The following CENPW variants were observed in gnomAD, a reference collection of about 807,000 sequenced individuals.
CENPW encodes the protein cancer-up-regulated gene 2 protein.
A neutral mutation model predicts 11.1 loss-of-function variants in CENPW; 3 were observed. The observed-to-expected ratio is 0.27, with a 90% CI of 0.12 to 0.70. The LOEUF (loss-of-function observed/expected upper bound fraction) is 0.70, where lower values mean the gene tolerates loss of function less well. Ranked by LOEUF, CENPW falls within the 30% of genes least tolerant of loss-of-function variation. The pLI, the probability that CENPW is intolerant of heterozygous loss-of-function variation, is 0.77. For missense variants in CENPW, 100 were observed against 105.6 expected (o/e 0.95, Z 0.23); for synonymous variants, 38 against 42.0 (o/e 0.91, Z 0.37).
the CENPW span, among the ~76,000 whole-genome samples, chr6:126,377,006 A>C: frequency 6.6e-6 from 1 of 152,168 alleles, no homozygotes; most frequent in Non-Finnish European, 1.5e-5. Flanking sequence ...CACATCAATT[A>C]AATCATTTCT....
chr6:126,464,739 T>C, the CENPW span, among the ~76,000 whole-genome samples: 14 of 152,158 alleles, frequency 9.2e-5, no homozygotes, highest in African/African-American at 2.9e-4. Flanking sequence ...ATCACTGGCT[T>C]CCTTGCTCCT....
At chr6:126,414,793 T>A in the CENPW span, among the ~76,000 whole-genome samples, 15 of 149,108 alleles carry the variant, frequency 1.0e-4, no homozygotes, top group African/African-American at 3.7e-4. Context: ...ATAAATAAAA[T>A]AAAACTAAAA....
chr6:126,412,434 A>G, the CENPW span, among the ~76,000 whole-genome samples: 4 of 151,958 alleles, frequency 2.6e-5, no homozygotes, highest in Non-Finnish European at 5.9e-5. Flanking sequence ...TCTTACTGGT[A>G]TTTGTTTGTA....
At chr6:126,355,543 G>A in the CENPW span, among the ~76,000 whole-genome samples, 2 of 122,892 alleles carry the variant, frequency 1.6e-5, no homozygotes, top group African/African-American at 5.1e-5. Context: ...ACAGTAATTT[G>A]TTTCACTTGT....
the CENPW span, among the ~76,000 whole-genome samples, chr6:126,355,484 G>A: frequency 6.6e-6 from 1 of 152,040 alleles, no homozygotes. Flanking sequence ...TGGTATAAAG[G>A]CACATTTTAT....
rs759992998 is a variant in CENPW at position 126,340,451 on chromosome 6, G to C, written c.126+52G>C. The C allele has an allele frequency of 3.6e-4, 586 of 1,613,672 alleles. 1 individual carries two copies. Among genetic ancestry groups the C allele is most frequent in the Non-Finnish European group, 2.9e-4 (341 of 1,179,884 alleles). ...GGAATGGGGCACGGGAGAGGTAAGG[G>C]CAATAACCTTAAGCCTTTGTTTTTC... On this transcript the variant is annotated intron_variant, in intron 1 of 2. Coordinates refer to ENST00000368328, the MANE Select transcript of CENPW (RefSeq NM_001012507.4).
chr6:126,482,407 C>T, the CENPW span, among the ~76,000 whole-genome samples: 1 of 151,752 alleles, frequency 6.6e-6, no homozygotes, highest in East Asian at 1.9e-4. Context: ...ATGGTAAGTG[C>T]TATTTATATA....
the CENPW span, among the ~76,000 whole-genome samples, chr6:126,461,196 G>A: frequency 6.6e-6 from 1 of 151,674 alleles, no homozygotes; most frequent in Non-Finnish European, 1.5e-5. Context: ...GGTCTTTCCC[G>A]TGCTGTTCTC....
chr6:126,478,048 G>C, the CENPW span, among the ~76,000 whole-genome samples: 1 of 151,930 alleles, frequency 6.6e-6, no homozygotes, highest in African/African-American at 2.4e-5. Flanking sequence ...ACTTCCTCTG[G>C]CTTCACCAGA....
At chr6:126,405,479 T>C in the CENPW span, among the ~76,000 whole-genome samples, 1 of 152,102 alleles carries the variant, frequency 6.6e-6, no homozygotes, top group Non-Finnish European at 1.5e-5. Context: ...TTGCTTTGGC[T>C]ATTTGAGGCC....
chr6:126,397,440 G>A, the CENPW span, among the ~76,000 whole-genome samples: 1 of 152,150 alleles, frequency 6.6e-6, no homozygotes, highest in Non-Finnish European at 1.5e-5. Flanking sequence ...GAATCAGGGA[G>A]AGTGGGTTCG....
At chr6:126,466,212 T>C in the CENPW span, among the ~76,000 whole-genome samples, 1 of 152,098 alleles carries the variant, frequency 6.6e-6, no homozygotes, top group African/African-American at 2.4e-5. Context: ...CAAAATGGAA[T>C]GTATAATGCG....
chr6:126,351,073 A>C (rs1483141110), downstream of CENPW, among the ~76,000 whole-genome samples: 2 of 150,640 alleles, frequency 1.3e-5, no homozygotes, highest in Non-Finnish European at 3.0e-5. Flanking sequence ...CATATTTTCT[A>C]TCTCTTATAT....
the CENPW span, among the ~76,000 whole-genome samples, chr6:126,403,927 G>A: frequency 2.0e-5 from 3 of 152,038 alleles, no homozygotes; most frequent in Non-Finnish European, 2.9e-5. Context: ...TTTAAGGACA[G>A]ACTGACTCTT....
chr6:126,430,070 C>T, the CENPW span, among the ~76,000 whole-genome samples: 2 of 152,174 alleles, frequency 1.3e-5, no homozygotes, highest in Admixed American at 1.3e-4. Context: ...CATCTGTTAG[C>T]TCACTTATCA....
At chr6:126,362,310 C>T in the CENPW span, among the ~76,000 whole-genome samples, 3 of 152,170 alleles carry the variant, frequency 2.0e-5, no homozygotes, top group Admixed American at 6.5e-5. Flanking sequence ...CTGCTTACTC[C>T]CTGGCCATAT....
chr6:126,402,557 G>T, the CENPW span, among the ~76,000 whole-genome samples: 11 of 110,466 alleles, frequency 1.0e-4, no homozygotes, highest in African/African-American at 2.8e-4. Context: ...CACCAATCTA[G>T]TTTCTTTTTC....
the CENPW span, among the ~76,000 whole-genome samples, chr6:126,475,633 A>T: frequency 6.6e-6 from 1 of 152,056 alleles, no homozygotes; most frequent in African/African-American, 2.4e-5. Context: ...CTTAGCAGTC[A>T]TCTCTGTTAA....
the CENPW span, among the ~76,000 whole-genome samples, chr6:126,361,136 A>G: frequency 6.6e-5 from 10 of 152,004 alleles, no homozygotes; most frequent in Non-Finnish European, 1.5e-4. Flanking sequence ...TGGGATTTTT[A>G]TTTGTGGATG....
Sources: gnomAD v4.1 joint callset for allele counts (sites outside exome capture counted in the v4.1 genomes callset) on GRCh38, gnomAD v4.1.1 for gene constraint, MANE v1.5 for transcripts, NCBI Gene and HGNC (gene_info 2026-07-23, HGNC 2026-07-21) for gene names.